PLCE1: variants seen among roughly 807,000 people sequenced by gnomAD.
PLCE1 encodes 1-phosphatidylinositol 4,5-bisphosphate phosphodiesterase epsilon-1.
Under a neutral mutation model 242.8 loss-of-function variants are expected in PLCE1, and 119 were observed. That is an observed-to-expected ratio of 0.49 (90% confidence interval 0.42 to 0.57). The LOEUF (loss-of-function observed/expected upper bound fraction) is 0.57. PLCE1 is among the 20% of genes least tolerant of loss of function. The pLI is 0.00. For missense variants in PLCE1, 2,441 were observed against 2,788.8 expected (o/e 0.88, Z 2.81); for synonymous variants, 945 against 1,017.4 (o/e 0.93, Z 1.35).
chr10:94,090,993 A>G (rs777249421), intron 2 of PLCE1, among the ~76,000 whole-genome samples: 1 of 152,208 alleles, frequency 6.6e-6, no homozygotes, highest in African/African-American at 2.4e-5. Flanking sequence ...AGGAATCTAG[A>G]CAAGCTATTG....
intron 3 of PLCE1, among the ~76,000 whole-genome samples, chr10:94,151,208 G>A (rs559487431): frequency 2.0e-5 from 3 of 152,236 alleles, no homozygotes; most frequent in Admixed American, 1.3e-4. Context: ...CTCTCACAAG[G>A]CCAAATAGCC....
chr10:94,125,003 G>A (rs1032881505), intron 2 of PLCE1, among the ~76,000 whole-genome samples: 16 of 152,088 alleles, frequency 1.1e-4, no homozygotes, highest in South Asian at 2.1e-4. Flanking sequence ...GTAGAATGTC[G>A]CCTGTGGTTC....
intron 8 of PLCE1, among the ~76,000 whole-genome samples, chr10:94,251,956 C>T (rs945869648): frequency 1.3e-5 from 2 of 152,210 alleles, no homozygotes; most frequent in Admixed American, 6.5e-5. Flanking sequence ...CCCTGCCCCT[C>T]TCCCTTCCAG....
rs2050237216 is a variant in PLCE1, at chr10:94,234,110, T to C, written c.2012T>C (p.Met671Thr). Residue 671 changes from methionine to threonine, a missense_variant, in exon 6 of 33, where the codon ATG becomes ACG. Transcript: ENST00000371380. The part of the protein sequence containing the change: ...QFMDQSDIET[M>T]RSLKDAMAQH... ...ATGGACCAGTCTGATATTGAGACCA[T>C]GAGGAGCCTGAAGGATGCTATGGCC... is the stretch of plus-strand genomic sequence containing the variant. 5.0e-6 allele frequency: 8 copies of C among 1,613,974 alleles called. No homozygotes were observed. Among genetic ancestry groups the C allele is most frequent in the Non-Finnish European group, 6.8e-6 (8 of 1,179,852 alleles).
At chr10:94,281,693 A>C (rs2052231402) in intron 20 of PLCE1, among the ~76,000 whole-genome samples, 2 of 152,126 alleles carry the variant, frequency 1.3e-5, no homozygotes, top group Admixed American at 6.6e-5. Flanking sequence ...TTCTTCCTCT[A>C]CTTCCAGCAC....
intron 6 of PLCE1, among the ~76,000 whole-genome samples, chr10:94,234,892 T>A (rs1396663274): frequency 6.6e-6 from 1 of 151,644 alleles, no homozygotes; most frequent in African/African-American, 2.4e-5. Context: ...AGAAGGGGAG[T>A]TGAGAAACTG....
chr10:94,050,860 G>A (rs2043745554), intron 2 of PLCE1, among the ~76,000 whole-genome samples: 1 of 152,158 alleles, frequency 6.6e-6, no homozygotes, highest in Non-Finnish European at 1.5e-5. Flanking sequence ...GAGATGATTG[G>A]CATAACCAAC....
intron 2 of PLCE1, among the ~76,000 whole-genome samples, chr10:94,041,176 G>C (rs764563435): frequency 8.6e-5 from 13 of 151,820 alleles, no homozygotes; most frequent in Non-Finnish European, 1.9e-4. Context: ...CTGGACCCTA[G>C]GCCAGAGTTT....
chr10:94,207,498 TGAG>T (rs2049193555), intron 4 of PLCE1, among the ~76,000 whole-genome samples: 1 of 148,408 alleles, frequency 6.7e-6, no homozygotes, highest in Non-Finnish European at 1.5e-5. Context: ...CACAAATAAA[TGAG>T]GGAATAGTTA....
chr10:94,292,235 A>G (rs2052668196), intron 22 of PLCE1, among the ~76,000 whole-genome samples: 1 of 152,216 alleles, frequency 6.6e-6, no homozygotes, highest in South Asian at 2.1e-4. Flanking sequence ...AATAACAGCT[A>G]CTATGGACTG....
chr10:94,050,898 G>A (rs548687367), intron 2 of PLCE1, among the ~76,000 whole-genome samples: 3 of 152,218 alleles, frequency 2.0e-5, no homozygotes, highest in East Asian at 3.9e-4. Flanking sequence ...TCAGAAGAAA[G>A]CATAGGCTAG....
At position 94,031,902 on chromosome 10, in the gene PLCE1, G is replaced by T; in HGVS notation, c.856G>T (p.Asp286Tyr). The change falls in exon 2 of 33, where the codon GAC becomes TAC. Residue 286 changes from aspartate to tyrosine, a missense_variant. This residue lies in a region of PLCE1 where 393 missense variants were observed against 378.5 expected (regional missense o/e 1.04). Transcript: ENST00000371380. The part of the protein sequence containing the change: ...VYSGDSFCRK[D>Y]FTDSQAAKTF... ...TTCAGGTGATAGCTTTTGTAGGAAAGACTTTACTGACAGTCAAGCTGCCAA... is the reference window on the plus strand; with the variant it reads ...TTCAGGTGATAGCTTTTGTAGGAAATACTTTACTGACAGTCAAGCTGCCAA... 1 of 1,613,884 alleles carries T rather than the reference G, an allele frequency of 6.2e-7. No individual in the cohort carries two copies. The highest frequency in any genetic ancestry group is 1.1e-5 in the South Asian group (1 of 91,068).
chr10:94,153,222 T>G (rs1238030531), intron 3 of PLCE1, among the ~76,000 whole-genome samples: 1 of 152,098 alleles, frequency 6.6e-6, no homozygotes, highest in African/African-American at 2.4e-5. Context: ...TAGACCATAC[T>G]TAAACATGTA....
At chr10:94,089,323 A>C in intron 2 of PLCE1, 1 of 1,613,646 alleles carries the variant, frequency 6.2e-7, no homozygotes, top group Non-Finnish European at 8.5e-7. Context: ...TGAGGTACCC[A>C]ATTTTACCTT....
chr10:94,260,154 C>A (rs1185757201), intron 13 of PLCE1, among the ~76,000 whole-genome samples: 1 of 152,164 alleles, frequency 6.6e-6, no homozygotes, highest in East Asian at 1.9e-4. Flanking sequence ...AGTGGAGAAC[C>A]CCCAGTCTCT....
chr10:94,313,436 T>C, intron 28 of PLCE1, 54 bp downstream of exon 28: 1 of 1,598,470 alleles, frequency 6.3e-7, no homozygotes. Flanking sequence ...TGTATGGATG[T>C]ATGTGTGTGT....
At chr10:94,045,342 C>T (rs192062566) in intron 2 of PLCE1, among the ~76,000 whole-genome samples, 18 of 152,024 alleles carry the variant, frequency 1.2e-4, no homozygotes, top group Admixed American at 9.8e-4. Context: ...CACGTTGTTG[C>T]CCAGGTTTGT....
chr10:94,145,310 G>A (rs553664416), intron 3 of PLCE1, among the ~76,000 whole-genome samples: 12 of 152,294 alleles, frequency 7.9e-5, no homozygotes, highest in African/African-American at 2.2e-4. Flanking sequence ...ATTTCAAGAC[G>A]TTGGACTTAG....
intron 4 of PLCE1, among the ~76,000 whole-genome samples, chr10:94,216,149 A>G (rs1008383171): frequency 3.9e-5 from 6 of 152,256 alleles, no homozygotes; most frequent in Admixed American, 3.9e-4. Flanking sequence ...GTAGGATTAA[A>G]TGAATTAATA....
Sources: allele counts gnomAD v4.1 joint callset (sites outside exome capture counted in the v4.1 genomes callset), GRCh38; gene constraint gnomAD v4.1.1; regional missense constraint gnomAD v4.1.1; transcripts MANE v1.5; gene names NCBI Gene and HGNC (gene_info 2026-07-23, HGNC 2026-07-21).